The following ALK variants were observed in gnomAD, a reference collection of about 807,000 sequenced individuals.
The protein encoded by ALK is ALK receptor tyrosine kinase.
Under a neutral mutation model 163.1 loss-of-function variants are expected in ALK, and 74 were observed. That is an observed-to-expected ratio of 0.45 (90% confidence interval 0.38 to 0.55). ALK has a LOEUF of 0.55. ALK is among the 20% of genes least tolerant of loss of function. The probability of loss-of-function intolerance (pLI) is 0.00; values close to 1 mark genes in which losing one functional copy is unlikely to be tolerated. For missense variants in ALK, 2,063 were observed against 2,105.3 expected (o/e 0.98, Z 0.39); for synonymous variants, 960 against 843.2 (o/e 1.14, Z -2.40).
intron 3 of ALK, among the ~76,000 whole-genome samples, chr2:29,554,664 G>A (rs111782331): frequency 7.2e-5 from 11 of 152,212 alleles, no homozygotes; most frequent in Non-Finnish European, 1.5e-4. Flanking sequence ...GCTACTGTCA[G>A]AGGTGTTTGA....
At chr2:29,716,236 C>A (rs1347225454) in intron 2 of ALK, among the ~76,000 whole-genome samples, 3 of 152,180 alleles carry the variant, frequency 2.0e-5, no homozygotes, top group African/African-American at 4.8e-5. Flanking sequence ...GAGTTTCATT[C>A]TGGAGGACTT....
At chr2:29,421,960 T>C (rs1193816306) in intron 4 of ALK, among the ~76,000 whole-genome samples, 1 of 151,610 alleles carries the variant, frequency 6.6e-6, no homozygotes, top group Non-Finnish European at 1.5e-5. Flanking sequence ...CTAACCTCTC[T>C]TTTTCTTAAC....
intron 3 of ALK, among the ~76,000 whole-genome samples, chr2:29,588,737 G>A (rs1488282947): frequency 6.6e-5 from 10 of 152,202 alleles, no homozygotes; most frequent in Non-Finnish European, 1.5e-4. Flanking sequence ...AAGCAAATGA[G>A]TTTGGCTATT....
At chr2:29,613,723 C>G (rs1227445944) in intron 3 of ALK, among the ~76,000 whole-genome samples, 11 of 152,196 alleles carry the variant, frequency 7.2e-5, no homozygotes, top group Non-Finnish European at 1.2e-4. Context: ...AATAAATACA[C>G]AGCATTTTAT....
chr2:29,711,273 A>G (rs1428728228), intron 2 of ALK, among the ~76,000 whole-genome samples: 1 of 152,030 alleles, frequency 6.6e-6, no homozygotes, highest in East Asian at 1.9e-4. Flanking sequence ...ACCTTTGCAC[A>G]TGCATCCCTT....
At chr2:29,466,683 G>T (rs1393910275) in intron 4 of ALK, among the ~76,000 whole-genome samples, 2 of 152,138 alleles carry the variant, frequency 1.3e-5, no homozygotes, top group Non-Finnish European at 1.5e-5. Context: ...GCTTCTCAAT[G>T]GTGTGTCATA....
In ALK at chr2:29,489,500, A is replaced by G. The variant is rs115424318; in HGVS notation, c.1154+42415T>C. ...TTTTCTGTAGAGCCAGCATCTCCCA[A>G]TGTTGCCCAGGCTGGTCTCAAACTC... On this transcript the variant is annotated intron_variant, in intron 4 of 28. Coordinates refer to ENST00000389048, the MANE Select transcript of ALK (RefSeq NM_004304.5). Among the ~76,000 whole-genome samples the G allele has an allele frequency of 6.1e-3, 929 of 152,002 alleles. 10 individuals are homozygous for G. The highest frequency in any genetic ancestry group is 9.9e-3 in the Non-Finnish European group (672 of 67,966).
chr2:29,458,477 T>C (rs2148099725), intron 4 of ALK, among the ~76,000 whole-genome samples: 1 of 152,318 alleles, frequency 6.6e-6, no homozygotes, highest in Admixed American at 6.5e-5. Context: ...TACACCTTGA[T>C]TGGGCTGTCT....
At chr2:29,743,525 G>C (rs760559074) in intron 1 of ALK, among the ~76,000 whole-genome samples, 2 of 152,202 alleles carry the variant, frequency 1.3e-5, no homozygotes, top group Non-Finnish European at 2.9e-5. Flanking sequence ...GGAACAGCCC[G>C]GATCACTTTC....
At chr2:29,729,581 A>G (rs1347825310) in intron 1 of ALK, among the ~76,000 whole-genome samples, 1 of 152,228 alleles carries the variant, frequency 6.6e-6, no homozygotes, top group Non-Finnish European at 1.5e-5. Flanking sequence ...CCCTGGAATT[A>G]GCTGCCAGAG....
chr2:29,602,788 T>G (rs1382986525), intron 3 of ALK, among the ~76,000 whole-genome samples: 1 of 152,178 alleles, frequency 6.6e-6, no homozygotes, highest in African/African-American at 2.4e-5. Flanking sequence ...GTGAGTTTGT[T>G]GATGAAAAAG....
In ALK at chr2:29,697,529, C is replaced by T. The variant is rs1678606094; in HGVS notation, c.788-2515G>A. Among the ~76,000 whole-genome samples the T allele has an allele frequency of 2.0e-5, 3 of 152,282 alleles. No individual in the cohort carries two copies. In the South Asian group the frequency reaches 6.2e-4, roughly 32 times the overall value. On this transcript the variant is annotated intron_variant, in intron 2 of 28. Coordinates refer to ENST00000389048, the MANE Select transcript of ALK (RefSeq NM_004304.5). Reference sequence around the variant, plus strand: ...TCCCCAAAGTGGCTGAAGAACTTTGCCATGGCGGGCTCTCAAAGCTGGCTT... The same window carrying T: ...TCCCCAAAGTGGCTGAAGAACTTTGTCATGGCGGGCTCTCAAAGCTGGCTT...
chr2:29,441,686 C>T (rs1412470838), intron 4 of ALK, among the ~76,000 whole-genome samples: 4 of 152,188 alleles, frequency 2.6e-5, no homozygotes, highest in African/African-American at 4.8e-5. Flanking sequence ...GGCCAATTAC[C>T]TGCTTCCAAG....
intron 26 of ALK, among the ~76,000 whole-genome samples, chr2:29,206,368 C>A (rs997408072): frequency 6.6e-6 from 1 of 151,660 alleles, no homozygotes; most frequent in African/African-American, 2.4e-5. Flanking sequence ...ACTTCCTGGG[C>A]TCTAGTGAAC....
At chr2:29,722,170 A>C (rs1347640881) in intron 1 of ALK, among the ~76,000 whole-genome samples, 1 of 152,174 alleles carries the variant, frequency 6.6e-6, no homozygotes, top group Non-Finnish European at 1.5e-5. Context: ...CTTATTTTCC[A>C]AACTGTAGAG....
At position 29,920,447 on chromosome 2, in the gene ALK, T is replaced by C. The variant is rs774033636; in HGVS notation, c.213A>G (p.Leu71=). 2.5e-6 allele frequency: 4 copies of C among 1,610,358 alleles called. No individual in the cohort carries two copies. Among genetic ancestry groups the C allele is most frequent in the Non-Finnish European group, 1.7e-6 (2 of 1,178,702 alleles). Residue 71 remains leucine (L), a synonymous_variant, in exon 1 of 29, where the codon CTA becomes CTG. Coordinates refer to ENST00000389048, the MANE Select transcript of ALK (RefSeq NM_004304.5). ...PSLFRVYARD[L]LLPPSSSELK... is the part of the protein sequence containing the mutation. ...GCTCCGAGGAGGATGGTGGCAGCAG[T>C]AGGTCCCGGGCGTAGACACGGAAGA...
chr2:29,296,346 C>T (rs552028507), intron 9 of ALK, among the ~76,000 whole-genome samples: 5 of 152,342 alleles, frequency 3.3e-5, no homozygotes, highest in South Asian at 4.1e-4. Flanking sequence ...GACTCGGAGT[C>T]GGGCCTGGGC....
chr2:29,427,796 A>G (rs1350932313), intron 4 of ALK, among the ~76,000 whole-genome samples: 1 of 152,122 alleles, frequency 6.6e-6, no homozygotes, highest in African/African-American at 2.4e-5. Flanking sequence ...AAATCTGTCT[A>G]TATGCTTTCT....
intron 1 of ALK, among the ~76,000 whole-genome samples, chr2:29,799,084 T>C (rs2148362856): frequency 6.6e-6 from 1 of 152,318 alleles, no homozygotes; most frequent in Non-Finnish European, 1.5e-5. Context: ...GGATTTGAAA[T>C]TGTCTGAAAT....
Sources: allele counts gnomAD v4.1 joint callset (sites outside exome capture counted in the v4.1 genomes callset), GRCh38; gene constraint gnomAD v4.1.1; transcripts MANE v1.5; gene names NCBI Gene and HGNC (gene_info 2026-07-23, HGNC 2026-07-21).